NFIB: variants seen among roughly 807,000 people sequenced by gnomAD.
NFIB encodes nuclear factor I B.
Under a neutral mutation model 61.5 loss-of-function variants are expected in NFIB, and 11 were observed. The observed-to-expected ratio is 0.18, with a 90% confidence interval of 0.11 to 0.30. The LOEUF (loss-of-function observed/expected upper bound fraction) is 0.30. Ranked by LOEUF, NFIB falls within the 10% of genes least tolerant of loss-of-function variation. The pLI, the probability that NFIB is intolerant of heterozygous loss-of-function variation, is 1.00. For synonymous variants in NFIB, 260 were observed against 216.5 expected, an observed-to-expected ratio of 1.20 and a Z score of -1.76; for missense variants, 471 against 608.9, an observed-to-expected ratio of 0.77 and a Z score of 2.38.
intron 10 of NFIB, chr9:14,102,624 G>A (rs1213282228): frequency 1.8e-5 from 12 of 656,096 alleles, no homozygotes; most frequent in Non-Finnish European, 2.7e-5. Context: ...ACTTTCCCAA[G>A]AGGCAACTTA....
chr9:14,414,243 T>C, the NFIB span, among the ~76,000 whole-genome samples: 1 of 151,918 alleles, frequency 6.6e-6, no homozygotes, highest in African/African-American at 2.4e-5. Context: ...TGAGACCCCA[T>C]GGCCAATATG....
At chr9:14,434,833 A>G in the NFIB span, among the ~76,000 whole-genome samples, 1 of 152,232 alleles carries the variant, frequency 6.6e-6, no homozygotes, top group African/African-American at 2.4e-5. Context: ...TACCTAATCA[A>G]TGGATTGTTA....
chr9:14,308,925 A>T (rs1563997586), intron 1 of NFIB, among the ~76,000 whole-genome samples: 1 of 152,142 alleles, frequency 6.6e-6, no homozygotes, highest in Non-Finnish European at 1.5e-5. Flanking sequence ...CCTGTCTTAT[A>T]AGCTTAGGCC....
chr9:14,456,304 A>C, the NFIB span, among the ~76,000 whole-genome samples: 1 of 152,138 alleles, frequency 6.6e-6, no homozygotes, highest in East Asian at 1.9e-4. Flanking sequence ...GCTATGACAC[A>C]GAATCCAAAG....
chr9:14,167,076 TGTGTGTCG>T (rs796623343), intron 3 of NFIB, among the ~76,000 whole-genome samples: 86 of 92,252 alleles, frequency 9.3e-4, no homozygotes, highest in African/African-American at 3.5e-3. Flanking sequence ...TTGTTGTGTG[TGTGTGTCG>T]GGGGGGGGGG....
At chr9:14,237,471 C>T (rs113016080) in intron 2 of NFIB, among the ~76,000 whole-genome samples, 5 of 147,992 alleles carry the variant, frequency 3.4e-5, no homozygotes, top group African/African-American at 1.2e-4. Context: ...CCACTGAGCA[C>T]AAAAGCTCTT....
At chr9:14,203,801 T>C (rs1224316411) in intron 2 of NFIB, among the ~76,000 whole-genome samples, 2 of 152,160 alleles carry the variant, frequency 1.3e-5, no homozygotes, top group Non-Finnish European at 2.9e-5. Flanking sequence ...CAAAGGAATA[T>C]TGGAATACTA....
intron 10 of NFIB, among the ~76,000 whole-genome samples, chr9:14,104,082 T>A (rs1243222141): frequency 6.6e-6 from 1 of 152,006 alleles, no homozygotes; most frequent in Non-Finnish European, 1.5e-5. Context: ...CATGCCTAGT[T>A]AATTTTTGTT....
chr9:14,185,946 T>G (rs1190602568), intron 2 of NFIB, among the ~76,000 whole-genome samples: 1 of 152,230 alleles, frequency 6.6e-6, no homozygotes, highest in Non-Finnish European at 1.5e-5. Flanking sequence ...TGAAGGTCCA[T>G]GTCCCTACTT....
chr9:14,183,028 TA>T (rs2131472075), intron 2 of NFIB, among the ~76,000 whole-genome samples: 1 of 152,224 alleles, frequency 6.6e-6, no homozygotes, highest in African/African-American at 2.4e-5. Context: ...TTAAACATAT[TA>T]AAATGAAAAA....
chr9:14,373,012 T>C (rs1031538396), intron 1 of NFIB, among the ~76,000 whole-genome samples: 9 of 152,160 alleles, frequency 5.9e-5, no homozygotes, highest in African/African-American at 2.2e-4. Flanking sequence ...GATTCCAGAA[T>C]GACTCACACT....
chr9:14,090,179 T>G (rs903418770), intron 10 of NFIB, among the ~76,000 whole-genome samples: 3 of 152,160 alleles, frequency 2.0e-5, no homozygotes, highest in African/African-American at 7.2e-5. Context: ...GAATTTAAAA[T>G]TAGATCTACT....
chr9:14,373,236 T>C (rs891630610), intron 1 of NFIB, among the ~76,000 whole-genome samples: 1 of 152,214 alleles, frequency 6.6e-6, no homozygotes, highest in African/African-American at 2.4e-5. Context: ...TAACAATTTA[T>C]TGTTGGAACA....
At chr9:14,515,789 A>T in the NFIB span, among the ~76,000 whole-genome samples, 1 of 152,202 alleles carries the variant, frequency 6.6e-6, no homozygotes, top group Admixed American at 6.5e-5. Flanking sequence ...ATTTCCCACA[A>T]GCCTCTAGAC....
chr9:14,359,150 G>C (rs62532797), intron 1 of NFIB, among the ~76,000 whole-genome samples: 9,683 of 152,264 alleles, frequency 0.064, 340 homozygotes, highest in Non-Finnish European at 0.075. Context: ...TTGCCAAGGA[G>C]ATTGTTAAAC....
intron 6 of NFIB, among the ~76,000 whole-genome samples, chr9:14,138,015 AC>A (rs1469188033): frequency 6.6e-6 from 1 of 152,110 alleles, no homozygotes; most frequent in Non-Finnish European, 1.5e-5. Context: ...TATCTCAATG[AC>A]TTATTTGGGA....
intron 3 of NFIB, 148 bp from the exon 4 acceptor site, chr9:14,156,041 G>T: frequency 2.0e-6 from 1 of 488,580 alleles, no homozygotes; most frequent in Non-Finnish European, 3.6e-6. Context: ...TGACTCTTAG[G>T]AATGCAAATT....
chr9:14,107,403 G>A (rs1165403551), intron 10 of NFIB, among the ~76,000 whole-genome samples: 1 of 151,792 alleles, frequency 6.6e-6, no homozygotes, highest in Non-Finnish European at 1.5e-5. Context: ...TGAAACCCAT[G>A]TTTCTTGATA....
chr9:14,126,543 G>C (rs1218519489), intron 6 of NFIB, among the ~76,000 whole-genome samples: 1 of 152,200 alleles, frequency 6.6e-6, no homozygotes. Flanking sequence ...TGTGAATGAG[G>C]ATGACATTCT....
Sources: gnomAD v4.1 joint callset for allele counts (sites outside exome capture counted in the v4.1 genomes callset) on GRCh38, gnomAD v4.1.1 for gene constraint, MANE v1.5 for transcripts, NCBI Gene and HGNC (gene_info 2026-07-23, HGNC 2026-07-21) for gene names.